Variants in CHEK1 observed in about 807,000 individuals in gnomAD.
CHEK1 encodes serine/threonine-protein kinase Chk1.
In CHEK1, 32 loss-of-function variants were observed where a neutral mutation model predicts 60.2. That is an observed-to-expected ratio of 0.53 (90% CI 0.40 to 0.71). The LOEUF is 0.71. Ranked by LOEUF, CHEK1 falls within the 30% of genes least tolerant of loss-of-function variation. The pLI, the probability that CHEK1 is intolerant of heterozygous loss-of-function variation, is 0.00. For synonymous variants in CHEK1, 179 were observed against 187.2 expected (o/e 0.96, Z 0.36); for missense variants, 399 against 564.6 (o/e 0.71, Z 2.97).
In CHEK1 at chr11:125,639,382, C is replaced by CTTTTTTT. The variant is rs367756024; in HGVS notation, c.814+1852_814+1858dup. Among the ~76,000 whole-genome samples the CTTTTTTT allele has an allele frequency of 6.7e-4, 71 of 106,368 alleles. 1 individual carries two copies. The highest frequency in any genetic ancestry group is 8.9e-4 in the Non-Finnish European group (50 of 55,998). 69.8% of individuals were successfully genotyped at this position (106,368 alleles called of 152,430 possible). On this transcript the variant is annotated intron_variant, in intron 8 of 12. Transcript: ENST00000438015. ...AATCACGTTTTTATAATACTTTTCT[C>CTTTTTTT]TTTTTTTTTTTTTTTTTTTTGAGAC...
At chr11:125,664,492 C>A (rs551331729) in intron 13 of CHEK1, among the ~76,000 whole-genome samples, 93 of 152,238 alleles carry the variant, frequency 6.1e-4, no homozygotes, top group Non-Finnish European at 9.7e-4. Flanking sequence ...ATCTCAGCCT[C>A]CCCAAGTACT....
chr11:125,664,368 G>T (rs978001941), intron 13 of CHEK1, among the ~76,000 whole-genome samples: 23 of 151,390 alleles, frequency 1.5e-4, no homozygotes, highest in African/African-American at 5.3e-4. Context: ...CAAGTAGCTG[G>T]GATTACAGGC....
intron 13 of CHEK1, among the ~76,000 whole-genome samples, chr11:125,669,819 C>T (rs1306032753): frequency 6.6e-6 from 1 of 152,054 alleles, no homozygotes; most frequent in Admixed American, 6.5e-5. Context: ...CCACTGTGCC[C>T]GACCATGCCT....
At chr11:125,654,286 C>T (rs1309996845) in intron 12 of CHEK1, among the ~76,000 whole-genome samples, 1 of 151,924 alleles carries the variant, frequency 6.6e-6, no homozygotes, top group African/African-American at 2.4e-5. Flanking sequence ...GCCGAGATGA[C>T]GCCACTGCAC....
Position 125,625,417 on chromosome 11 carries a change from C to T in CHEK1, c.-616C>T, listed in dbSNP as rs996128069. 1 of 288,828 alleles carries T rather than the reference C, an allele frequency of 3.5e-6. No homozygotes were observed. Among genetic ancestry groups the T allele is most frequent in the Non-Finnish European group, 6.5e-6 (1 of 153,274 alleles). 17.9% of individuals were successfully genotyped at this position (288,828 alleles called of 1,614,324 possible). A position where few individuals can be genotyped will look rare whatever the true frequency, so the allele number is the denominator to read the frequency against. On this transcript the variant is annotated 5_prime_UTR_variant, in exon 1 of 13. It adds an upstream start codon to the 5' untranslated region. Coordinates refer to ENST00000438015, the MANE Select transcript of CHEK1 (RefSeq NM_001114122.3). ...CTTTCGAAGCCTCTCGCTCCCAACA[C>T]GGAGTTCCTCCCATTTCTTCACAGT... is the stretch of plus-strand genomic sequence containing the variant.
At chr11:125,678,978 TTA>T (rs10522682), downstream of CHEK1, among the ~76,000 whole-genome samples, 12 of 88,426 alleles carry the variant, frequency 1.4e-4, no homozygotes, top group South Asian at 4.5e-4. Context: ...TCTAGGCATA[TTA>T]TATATATATA....
chr11:125,676,211 G>A, exon 14 of CHEK1: 1 of 1,070,986 alleles, frequency 9.3e-7, no homozygotes, highest in Non-Finnish European at 1.3e-6. Context: ...CCTGGCAAGG[G>A]ATTCTGTTCT....
chr11:125,676,514 G>A, downstream of CHEK1: 2 of 1,613,228 alleles, frequency 1.2e-6, no homozygotes, highest in Non-Finnish European at 1.7e-6. Flanking sequence ...ACATTTCCTT[G>A]TGGACCAGAT....
chr11:125,672,690 C>T (rs1942258604), intron 13 of CHEK1: 1 of 1,614,144 alleles, frequency 6.2e-7, no homozygotes, highest in Non-Finnish European at 8.5e-7. Context: ...GTTCTCACAC[C>T]CTTGAACCAT....
Position 125,673,207 on chromosome 11 carries a change from CTTTT to C in CHEK1, c.*28-2720_*28-2717del, listed in dbSNP as rs1298569318. The stretch of plus-strand genomic sequence containing the variant: ...TACTGTGGACTACACCCTTTCTTTT[CTTTT>C]CTTTTTTTTTTTTGAGACAATCTCG... On this transcript the variant is annotated intron_variant, in intron 13 of 13. Transcript: ENST00000428830. Among the ~76,000 whole-genome samples, 5 of 105,358 alleles carry C rather than the reference CTTTT, an allele frequency of 4.7e-5. No individual in the cohort carries two copies. In the East Asian group the frequency reaches 1.2e-3, roughly 25 times the overall value. The allele number at this position is 105,358 out of a possible 152,430, so 69.1% of individuals were successfully genotyped here.
chr11:125,642,526 T>C (rs1227966668), intron 8 of CHEK1, among the ~76,000 whole-genome samples: 1 of 151,940 alleles, frequency 6.6e-6, no homozygotes, highest in Non-Finnish European at 1.5e-5. Context: ...GATTAATAAA[T>C]AAAAAGCAGG....
At chr11:125,642,103 A>T (rs527959798) in intron 8 of CHEK1, among the ~76,000 whole-genome samples, 1 of 152,164 alleles carries the variant, frequency 6.6e-6, no homozygotes, top group East Asian at 1.9e-4. Flanking sequence ...GACTGTTCCT[A>T]TGTCTGAAAA....
downstream of CHEK1, chr11:125,676,585 A>G (rs1368765201): frequency 2.3e-6 from 3 of 1,321,720 alleles, no homozygotes; most frequent in Non-Finnish European, 3.2e-6. Context: ...GATACTACAC[A>G]TTTATTTCTT....
At position 125,653,869 on chromosome 11, in the gene CHEK1, T is replaced by C. The variant is rs756288160; in HGVS notation, c.1335+22T>C. The C allele has an allele frequency of 7.5e-7, 1 of 1,327,706 alleles. No homozygotes were observed. Among genetic ancestry groups the C allele is most frequent in the Non-Finnish European group, 1.1e-6 (1 of 946,584 alleles). 82.2% of individuals were successfully genotyped at this position (1,327,706 alleles called of 1,614,324 possible). On this transcript the variant is annotated intron_variant, in intron 12 of 12. Coordinates refer to ENST00000438015, the MANE Select transcript of CHEK1 (RefSeq NM_001114122.3). This position sits in a 1 kb window ranked among gnomAD's most constrained non-coding sequence, Gnocchi z 4.3. ...TAAGGTATTTTTATGTTTTATTGTA[T>C]TCTTTCTATGGAAATATTTCTATAT...
At chr11:125,635,200 C>G (rs475500) in intron 6 of CHEK1, among the ~76,000 whole-genome samples, 48,387 of 151,876 alleles carry the variant, frequency 0.32, 7,965 homozygotes, top group East Asian at 0.43. Flanking sequence ...CTCAAGCAGT[C>G]CTTCTGCCTC....
chr11:125,661,244 A>G (rs541655709), downstream of CHEK1, among the ~76,000 whole-genome samples: 1 of 151,428 alleles, frequency 6.6e-6, no homozygotes, highest in East Asian at 1.9e-4. Flanking sequence ...CTATCATCTT[A>G]CTTTGGTTCC....
chr11:125,672,422 G>T (rs1942233200), intron 13 of CHEK1: 1 of 733,820 alleles, frequency 1.4e-6, no homozygotes, highest in South Asian at 2.0e-5. Context: ...GAGAAGAATG[G>T]ATAAAAGCAT....
chr11:125,673,236 G>A (rs1159711869), intron 13 of CHEK1, among the ~76,000 whole-genome samples: 48 of 143,808 alleles, frequency 3.3e-4, no homozygotes, highest in African/African-American at 1.1e-3. Context: ...AGACAATCTC[G>A]CTCTGTTGCC....
downstream of CHEK1, among the ~76,000 whole-genome samples, chr11:125,659,729 A>G (rs1176663452): frequency 2.0e-5 from 3 of 152,172 alleles, no homozygotes; most frequent in South Asian, 4.1e-4. Flanking sequence ...TCACTTTTTA[A>G]AGTGTTGTAC....
Sources: allele counts gnomAD v4.1 joint callset (sites outside exome capture counted in the v4.1 genomes callset), GRCh38; gene constraint gnomAD v4.1.1; non-coding constraint Gnocchi (gnomAD v3.1); transcripts MANE v1.5; gene names NCBI Gene and HGNC (gene_info 2026-07-23, HGNC 2026-07-21).